Variants in FSTL5 observed in about 807,000 individuals in gnomAD.
FSTL5 encodes the protein follistatin-related protein 5.
Under a neutral mutation model 89.1 loss-of-function variants are expected in FSTL5, and 62 were observed. The ratio of observed to expected loss-of-function variants is 0.70; its 90% CI spans 0.57 to 0.86. The LOEUF (loss-of-function observed/expected upper bound fraction) is 0.86. Ranked by LOEUF, FSTL5 falls within the 40% of genes least tolerant of loss-of-function variation. The probability of loss-of-function intolerance (pLI) is 0.00; values close to 1 mark genes in which losing one functional copy is unlikely to be tolerated. For synonymous variants in FSTL5, 383 were observed against 346.2 expected, an observed-to-expected ratio of 1.11 and a Z score of -1.18; for missense variants, 1,057 against 1,001.6, an observed-to-expected ratio of 1.06 and a Z score of -0.75.
At chr4:161,430,739 G>GAAAACA (rs761914667) in intron 15 of FSTL5, among the ~76,000 whole-genome samples, 20 of 151,814 alleles carry the variant, frequency 1.3e-4, no homozygotes, top group Non-Finnish European at 2.6e-4. Context: ...GACTCCGTCA[G>GAAAACA]AAAACAAAAA....
chr4:161,776,103 G>A (rs1579083671), intron 4 of FSTL5, 29 bp from the exon 5 acceptor site: 2 of 1,124,860 alleles, frequency 1.8e-6, no homozygotes, highest in East Asian at 5.5e-5. Context: ...TTATTTTCAA[G>A]CAATATTATT....
At chr4:161,775,597 C>A (rs7667455) in intron 5 of FSTL5, among the ~76,000 whole-genome samples, 31,843 of 151,870 alleles carry the variant, frequency 0.21, 6,139 homozygotes, top group African/African-American at 0.51. Flanking sequence ...ATTATAAATT[C>A]TACAAGATAA....
At chr4:161,583,994 C>T (rs1165495756) in intron 8 of FSTL5, among the ~76,000 whole-genome samples, 1 of 152,118 alleles carries the variant, frequency 6.6e-6, no homozygotes, top group Non-Finnish European at 1.5e-5. Flanking sequence ...TATTCCCCTA[C>T]TTACTCACCT....
chr4:161,919,802 A>G (rs963232506), intron 4 of FSTL5, among the ~76,000 whole-genome samples: 5 of 137,452 alleles, frequency 3.6e-5, no homozygotes, highest in African/African-American at 1.4e-4. Flanking sequence ...AAAATAATGT[A>G]TGGAATTACA....
At chr4:161,868,093 T>C (rs1294945728) in intron 4 of FSTL5, among the ~76,000 whole-genome samples, 1 of 151,536 alleles carries the variant, frequency 6.6e-6, no homozygotes, top group Non-Finnish European at 1.5e-5. Context: ...TAGAATTTAA[T>C]TAAATATGTA....
chr4:161,555,990 T>C (rs1732374427), intron 8 of FSTL5, among the ~76,000 whole-genome samples: 1 of 151,636 alleles, frequency 6.6e-6, no homozygotes, highest in East Asian at 1.9e-4. Flanking sequence ...TGATCAACAA[T>C]GTTTGTCAAG....
chr4:161,884,211 G>C (rs1217329149), intron 4 of FSTL5, among the ~76,000 whole-genome samples: 1 of 151,832 alleles, frequency 6.6e-6, no homozygotes, highest in Non-Finnish European at 1.5e-5. Flanking sequence ...CACCACACCT[G>C]GCTAATTTTT....
In FSTL5 at chr4:161,587,465, G is replaced by C; in HGVS notation, c.1005C>G (p.Phe335Leu). 1 of 1,613,232 alleles carries C rather than the reference G, an allele frequency of 6.2e-7. No individual in the cohort carries two copies. Among genetic ancestry groups the C allele is most frequent in the Non-Finnish European group, 8.5e-7 (1 of 1,179,488 alleles). Residue 335 changes from phenylalanine (F) to leucine (L), a missense_variant, in exon 8 of 16, where the codon TTC becomes TTG. Phe to Leu is a conservative substitution (Grantham distance 22). Coordinates refer to ENST00000306100, the MANE Select transcript of FSTL5 (RefSeq NM_020116.5). ...AAAATCACTTCTTACCATTCACTTGGAAGATGTGAGTCTGATAGACTTGTT... is the reference window on the plus strand; with the variant it reads ...AAAATCACTTCTTACCATTCACTTGCAAGATGTGAGTCTGATAGACTTGTT... ...GYEQVYQTHI[F>L]QVNVPPVIRV...
chr4:161,385,236 T>G lies in FSTL5; in HGVS notation c.*511A>C, dbSNP rs929021174. On this transcript the variant is annotated 3_prime_UTR_variant, in exon 16 of 16. Transcript: ENST00000306100. ...TTTATAGTTATGAGAGCATTTAGTA[T>G]GCAGGCTTTAGTCTTCCTTTTCCTC... The G allele has an allele frequency of 1.3e-5, 2 of 154,100 alleles. No homozygotes were observed. The highest frequency in any genetic ancestry group is 6.4e-5 in the Admixed American group (1 of 15,512). 9.5% of individuals were successfully genotyped at this position (154,100 alleles called of 1,614,324 possible). A position where few individuals can be genotyped will look rare whatever the true frequency, so the allele number is the denominator to read the frequency against.
At chr4:161,609,996 A>G (rs935053898) in intron 7 of FSTL5, among the ~76,000 whole-genome samples, 1 of 152,136 alleles carries the variant, frequency 6.6e-6, no homozygotes, top group Non-Finnish European at 1.5e-5. Flanking sequence ...CATTAATGTA[A>G]ATTTTGCAGT....
At chr4:161,497,388 A>G (rs1730121316) in intron 12 of FSTL5, among the ~76,000 whole-genome samples, 1 of 152,100 alleles carries the variant, frequency 6.6e-6, no homozygotes, top group Non-Finnish European at 1.5e-5. Context: ...GAAATTAGTT[A>G]TAACAATTCC....
intron 13 of FSTL5, among the ~76,000 whole-genome samples, chr4:161,465,974 G>A (rs1733736062): frequency 6.6e-6 from 1 of 152,042 alleles, no homozygotes. Context: ...TTTATACATT[G>A]AAGTTCTAGA....
At chr4:161,771,226 A>G (rs1431703325) in intron 5 of FSTL5, among the ~76,000 whole-genome samples, 1 of 152,090 alleles carries the variant, frequency 6.6e-6, no homozygotes, top group Non-Finnish European at 1.5e-5. Context: ...TTTCAAGAAT[A>G]TGCCTTCCCT....
intron 2 of FSTL5, among the ~76,000 whole-genome samples, chr4:162,050,424 A>G (rs1285153477): frequency 6.6e-6 from 1 of 150,982 alleles, no homozygotes; most frequent in Non-Finnish European, 1.5e-5. Flanking sequence ...TCTTAGGAAT[A>G]AAAGGAACAA....
At chr4:161,715,109 CAT>C (rs1429259400) in intron 6 of FSTL5, among the ~76,000 whole-genome samples, 1 of 151,940 alleles carries the variant, frequency 6.6e-6, no homozygotes, top group Admixed American at 6.6e-5. Context: ...ATGAGAAACA[CAT>C]GTTTTAAGGA....
intron 4 of FSTL5, among the ~76,000 whole-genome samples, chr4:161,839,605 C>A (rs1270436797): frequency 6.6e-6 from 1 of 151,992 alleles, no homozygotes; most frequent in Non-Finnish European, 1.5e-5. Context: ...CTGACAAAAA[C>A]CATGTATATA....
chr4:161,945,013 A>G (rs555426548), intron 3 of FSTL5, among the ~76,000 whole-genome samples: 3 of 152,206 alleles, frequency 2.0e-5, no homozygotes, highest in Admixed American at 1.3e-4. Flanking sequence ...CTCAGAAAAT[A>G]CATGACAGCA....
chr4:161,510,413 A>G lies in FSTL5; in HGVS notation c.1324T>C (p.Leu442=), dbSNP rs769702826. 6.5e-7 allele frequency: 1 copy of G among 1,540,702 alleles called. No homozygotes were observed. Among genetic ancestry groups the G allele is most frequent in the Non-Finnish European group, 8.7e-7 (1 of 1,144,818 alleles). ...DSARKTLANI[L]WREEGLGIGN... The stretch of plus-strand genomic sequence containing the variant: ...AACTTAGTACCTTCTTCTCTCCATA[A>G]TATGTTAGCTACTGCAGCATGTTGA... The change falls in exon 11 of 16, where the codon TTA becomes CTA. Residue 442 remains leucine, a synonymous_variant. Coordinates refer to ENST00000306100, the MANE Select transcript of FSTL5 (RefSeq NM_020116.5).
chr4:161,842,244 T>C (rs1731233196), intron 4 of FSTL5, among the ~76,000 whole-genome samples: 1 of 152,188 alleles, frequency 6.6e-6, no homozygotes, highest in Non-Finnish European at 1.5e-5. Context: ...TTGGCCCCCA[T>C]GCTTGCTTAT....
Sources: gnomAD v4.1 joint callset for allele counts (sites outside exome capture counted in the v4.1 genomes callset) on GRCh38, gnomAD v4.1.1 for gene constraint, MANE v1.5 for transcripts, NCBI Gene and HGNC (gene_info 2026-07-23, HGNC 2026-07-21) for gene names.